EYS: variants seen among roughly 807,000 people sequenced by gnomAD.
EYS encodes the protein protein eyes shut homolog.
A neutral mutation model predicts 282.1 loss-of-function variants in EYS; 250 were observed. The observed-to-expected ratio is 0.89, with a 90% CI of 0.80 to 0.98. The LOEUF (loss-of-function observed/expected upper bound fraction) is 0.98. Ranked by LOEUF, EYS falls within the 50% of genes least tolerant of loss-of-function variation. The probability of loss-of-function intolerance (pLI) is 0.00; values close to 1 mark genes in which losing one functional copy is unlikely to be tolerated. For missense variants in EYS, 4,016 were observed against 3,709.0 expected (o/e 1.08, Z -2.15); for synonymous variants, 1,355 against 1,282.9 (o/e 1.06, Z -1.20).
At chr6:64,348,704 T>C (rs1045520467) in intron 29 of EYS, among the ~76,000 whole-genome samples, 1 of 151,494 alleles carries the variant, frequency 6.6e-6, no homozygotes, top group Admixed American at 6.6e-5. Context: ...ATCTTTGCAG[T>C]TCCTTTATAT....
chr6:63,878,318 GC>G (rs1460938579), intron 35 of EYS, among the ~76,000 whole-genome samples: 1 of 152,190 alleles, frequency 6.6e-6, no homozygotes, highest in African/African-American at 2.4e-5. Context: ...AGATGTTGCT[GC>G]CTGATCCTTG....
intron 30 of EYS, among the ~76,000 whole-genome samples, chr6:64,305,495 A>C (rs1769405944): frequency 6.6e-6 from 1 of 152,170 alleles, no homozygotes; most frequent in African/African-American, 2.4e-5. Flanking sequence ...TTACAATGCT[A>C]CCTTTGTAAT....
chr6:64,049,113 C>A (rs1770723967), intron 33 of EYS, among the ~76,000 whole-genome samples: 1 of 152,152 alleles, frequency 6.6e-6, no homozygotes, highest in African/African-American at 2.4e-5. Flanking sequence ...GAGTATTTAG[C>A]TGAATGGTAA....
intron 26 of EYS, among the ~76,000 whole-genome samples, chr6:64,580,624 A>G (rs1766031258): frequency 6.6e-6 from 1 of 152,176 alleles, no homozygotes; most frequent in African/African-American, 2.4e-5. Context: ...TAGGATTTTA[A>G]ACCTTTTCTC....
chr6:65,193,973 G>A (rs967176014), intron 12 of EYS, among the ~76,000 whole-genome samples: 54 of 151,810 alleles, frequency 3.6e-4, no homozygotes, highest in Admixed American at 3.6e-3. Flanking sequence ...TTGGTTTGGG[G>A]AAAAAATTGC....
chr6:65,515,272 A>T (rs1170789457), intron 2 of EYS, among the ~76,000 whole-genome samples: 2 of 151,998 alleles, frequency 1.3e-5, no homozygotes, highest in Non-Finnish European at 2.9e-5. Flanking sequence ...AATGGCAATC[A>T]TTAAAAAGTC....
intron 8 of EYS, among the ~76,000 whole-genome samples, chr6:65,356,713 A>G (rs1248912638): frequency 6.6e-6 from 1 of 152,026 alleles, no homozygotes; most frequent in African/African-American, 2.4e-5. Flanking sequence ...TGCAGCTCTT[A>G]ATACCTTTTT....
intron 35 of EYS, among the ~76,000 whole-genome samples, chr6:63,969,261 T>A (rs1357261255): frequency 6.6e-6 from 1 of 152,206 alleles, no homozygotes; most frequent in Non-Finnish European, 1.5e-5. Flanking sequence ...AAAACTGACC[T>A]GAGTATGGAT....
At chr6:65,077,752 A>C (rs1220240772) in intron 12 of EYS, among the ~76,000 whole-genome samples, 1 of 152,096 alleles carries the variant, frequency 6.6e-6, no homozygotes, top group Non-Finnish European at 1.5e-5. Context: ...AAAAGTCAAA[A>C]AATCATGGCA....
At chr6:63,936,730 A>G (rs1002402620) in intron 35 of EYS, among the ~76,000 whole-genome samples, 6 of 152,248 alleles carry the variant, frequency 3.9e-5, no homozygotes, top group Admixed American at 3.9e-4. Context: ...TAAAAACATC[A>G]ACAAGCTTTT....
chr6:63,723,479 T>C (rs1056976074), intron 42 of EYS, among the ~76,000 whole-genome samples: 9 of 152,142 alleles, frequency 5.9e-5, no homozygotes, highest in African/African-American at 2.2e-4. Flanking sequence ...AGAGTGTTCC[T>C]GTAGTAAACA....
At chr6:65,028,324 T>C (rs1350983808) in intron 13 of EYS, among the ~76,000 whole-genome samples, 1 of 151,780 alleles carries the variant, frequency 6.6e-6, no homozygotes, top group East Asian at 1.9e-4. Flanking sequence ...TCTACAATAA[T>C]ATATATTATC....
intron 32 of EYS, among the ~76,000 whole-genome samples, chr6:64,078,006 A>G (rs1169609611): frequency 6.6e-6 from 1 of 151,938 alleles, no homozygotes; most frequent in Admixed American, 6.6e-5. Flanking sequence ...CCCCGTAAGG[A>G]TTCAAGTTTT....
chr6:64,632,177 T>A (rs946784513), intron 22 of EYS, among the ~76,000 whole-genome samples: 2 of 152,124 alleles, frequency 1.3e-5, no homozygotes, highest in African/African-American at 4.8e-5. Context: ...CAAGTTAGAA[T>A]AGTTGAAAAG....
rs188668149 is a variant in EYS at position 64,821,825 on chromosome 6, A to T, written c.3165-102T>A. 426 of 636,078 alleles carry T rather than the reference A, an allele frequency of 6.7e-4. 1 individual carries two copies. In the African/African-American group the frequency reaches 7.6e-3, roughly 11 times the overall value. 39.4% of individuals were successfully genotyped at this position (636,078 alleles called of 1,614,324 possible). A position where few individuals can be genotyped will look rare whatever the true frequency, so the allele number is the denominator to read the frequency against. ...AACTTTTCTTTCCTAGTTCAGGTGA[A>T]AAAAGCACTCCCATGAGCAATACAA... On this transcript the variant is annotated intron_variant, in intron 20 of 42. Transcript: ENST00000503581.
At chr6:64,193,934 TA>T (rs528359026) in intron 31 of EYS, among the ~76,000 whole-genome samples, 490 of 152,324 alleles carry the variant, frequency 3.2e-3, no homozygotes, top group Non-Finnish European at 5.3e-3. Context: ...AAGTCTTTGG[TA>T]TTGTGAATAG....
At chr6:64,398,758 G>A (rs1477926207) in intron 28 of EYS, among the ~76,000 whole-genome samples, 1 of 151,768 alleles carries the variant, frequency 6.6e-6, no homozygotes, top group Non-Finnish European at 1.5e-5. Context: ...GACCAGGTAT[G>A]GTCATGCAGC....
chr6:64,575,027 A>G (rs1232081658), intron 26 of EYS, among the ~76,000 whole-genome samples: 1 of 152,160 alleles, frequency 6.6e-6, no homozygotes, highest in Non-Finnish European at 1.5e-5. Context: ...TACATAGAGA[A>G]GATAAAAATG....
chr6:65,055,377 G>T (rs2150156499), intron 13 of EYS, among the ~76,000 whole-genome samples: 1 of 151,994 alleles, frequency 6.6e-6, no homozygotes, highest in East Asian at 1.9e-4. Context: ...CAGAACAGTT[G>T]CAAGGATAGT....
Sources: allele counts gnomAD v4.1 joint callset (sites outside exome capture counted in the v4.1 genomes callset), GRCh38; gene constraint gnomAD v4.1.1; transcripts MANE v1.5; gene names NCBI Gene and HGNC (gene_info 2026-07-23, HGNC 2026-07-21).